PRKCH: variants seen among roughly 807,000 people sequenced by gnomAD.
PRKCH encodes the protein protein kinase C eta, also known as protein kinase C eta type.
Under a neutral mutation model 82.5 loss-of-function variants are expected in PRKCH, and 28 were observed. That is an observed-to-expected ratio of 0.34 (90% CI 0.25 to 0.47). The LOEUF is 0.47. Among genes scored for constraint, PRKCH ranks in the 20% least tolerant of loss-of-function variants. The probability of loss-of-function intolerance (pLI) is 1.00; values close to 1 mark genes in which losing one functional copy is unlikely to be tolerated. For synonymous variants in PRKCH, 322 were observed against 327.4 expected (o/e 0.98, Z 0.18); for missense variants, 705 against 881.8 (o/e 0.80, Z 2.54).
At chr14:61,446,006 A>G (rs1362588177) in intron 4 of PRKCH, among the ~76,000 whole-genome samples, 3 of 152,192 alleles carry the variant, frequency 2.0e-5, no homozygotes. Context: ...ACTAAAAGGT[A>G]ATGTGATTTT....
intron 2 of PRKCH, among the ~76,000 whole-genome samples, chr14:61,396,081 G>GAAAA (rs34478520): frequency 2.7e-4 from 33 of 120,408 alleles, no homozygotes; most frequent in Middle Eastern, 4.3e-3. Context: ...CCTTGTTTCA[G>GAAAA]AAAAAAAAAA....
chr14:61,356,159 A>G (rs1298638832), intron 1 of PRKCH, among the ~76,000 whole-genome samples: 1 of 152,194 alleles, frequency 6.6e-6, no homozygotes, highest in East Asian at 1.9e-4. Context: ...GGGGGGTGGC[A>G]GGGAACAGGA....
At chr14:61,519,238 C>T (rs1051847660) in intron 10 of PRKCH, among the ~76,000 whole-genome samples, 12 of 151,846 alleles carry the variant, frequency 7.9e-5, no homozygotes, top group Non-Finnish European at 1.3e-4. Context: ...GCTATGATCA[C>T]GCTGCTGCAC....
At chr14:61,460,449 A>C (rs770174336) in intron 9 of PRKCH, among the ~76,000 whole-genome samples, 10 of 152,186 alleles carry the variant, frequency 6.6e-5, no homozygotes, top group Non-Finnish European at 1.3e-4. Context: ...ATTTTGATTG[A>C]GTTCAATTGC....
chr14:61,463,566 T>A (rs562296708), intron 9 of PRKCH, among the ~76,000 whole-genome samples: 112 of 152,346 alleles, frequency 7.4e-4, no homozygotes, highest in Middle Eastern at 6.8e-3. Context: ...CCTAATAGTT[T>A]GTGACTAATT....
chr14:61,268,937 A>G (rs2045127875), intron 1 of PRKCH, among the ~76,000 whole-genome samples: 1 of 152,238 alleles, frequency 6.6e-6, no homozygotes, highest in South Asian at 2.1e-4. Flanking sequence ...AGTTCCTGGG[A>G]AAGGCATCTG....
At chr14:61,221,138 G>A (rs930820806) in intron 1 of PRKCH, among the ~76,000 whole-genome samples, 12 of 152,158 alleles carry the variant, frequency 7.9e-5, no homozygotes, top group African/African-American at 2.7e-4. Context: ...ATGGGACAAA[G>A]TCGTTGAGAA....
intron 9 of PRKCH, among the ~76,000 whole-genome samples, chr14:61,461,134 C>G (rs961321901): frequency 1.3e-5 from 2 of 152,196 alleles, no homozygotes; most frequent in African/African-American, 4.8e-5. Context: ...CTTGATGGCC[C>G]TGGAGCCCAT....
At position 61,280,857 on chromosome 14, in the gene PRKCH, G is replaced by A. The variant is rs571007446; in HGVS notation, c.-19+93189G>A. The A allele has an allele frequency of 6.4e-7, 1 of 1,570,124 alleles. No homozygotes were observed. The highest frequency in any genetic ancestry group is 8.6e-7 in the Non-Finnish European group (1 of 1,166,128). The stretch of plus-strand genomic sequence containing the variant: ...CCTGGAAGAGCTCGGGCAGCGAGAA[G>A]TACCAGGCGCACGAGCAGGGGGGCG... On this transcript the variant is annotated intron_variant, in intron 1 of 3. Coordinates refer to the PRKCH transcript ENST00000555185. This position sits in a 1 kb window ranked among gnomAD's most constrained non-coding sequence, Gnocchi z 5.0.
intron 2 of PRKCH, among the ~76,000 whole-genome samples, chr14:61,438,485 C>T (rs1389689563): frequency 2.0e-5 from 3 of 152,078 alleles, no homozygotes; most frequent in Non-Finnish European, 2.9e-5. Context: ...CGCTTTTGCC[C>T]CAGGTTGGAA....
intron 2 of PRKCH, among the ~76,000 whole-genome samples, chr14:61,435,144 G>A (rs552229851): frequency 6.6e-6 from 1 of 152,282 alleles, no homozygotes; most frequent in East Asian, 1.9e-4. Context: ...CAGGAATCGA[G>A]CCTCAGTTGC....
At chr14:61,524,866 TTTC>T (rs1210939383) in intron 10 of PRKCH, among the ~76,000 whole-genome samples, 1 of 152,220 alleles carries the variant, frequency 6.6e-6, no homozygotes, top group Non-Finnish European at 1.5e-5. Flanking sequence ...TGATTTCAGG[TTTC>T]TTCTTTTCCC....
intron 2 of PRKCH, among the ~76,000 whole-genome samples, chr14:61,397,090 A>G (rs945887570): frequency 1.3e-5 from 2 of 152,046 alleles, no homozygotes; most frequent in Non-Finnish European, 2.9e-5. Flanking sequence ...CATTATAGAG[A>G]CTTGGAAGGT....
chr14:61,541,640 G>T (rs1403260667), intron 12 of PRKCH, among the ~76,000 whole-genome samples: 1 of 152,152 alleles, frequency 6.6e-6, no homozygotes, highest in Admixed American at 6.5e-5. Context: ...GTGTTCTCTG[G>T]CTCCTGGAAG....
intron 11 of PRKCH, among the ~76,000 whole-genome samples, chr14:61,529,928 G>A (rs1016620516): frequency 1.1e-3 from 162 of 147,618 alleles, no homozygotes; most frequent in African/African-American, 4.0e-3. Flanking sequence ...ATATATATAT[G>A]TAAACTTTGC....
At chr14:61,331,879 G>A (rs2045793595) in intron 1 of PRKCH, among the ~76,000 whole-genome samples, 1 of 152,240 alleles carries the variant, frequency 6.6e-6, no homozygotes, top group South Asian at 2.1e-4. Flanking sequence ...ATTGCTTAGA[G>A]TTGGAGAGGA....
intron 12 of PRKCH, chr14:61,543,531 G>A (rs2043214487): frequency 6.6e-6 from 1 of 152,102 alleles, no homozygotes; most frequent in Admixed American, 6.5e-5. Context: ...GCTTTTCTTG[G>A]CCCTAGAAAA....
At chr14:61,541,363 C>T (rs1384588022) in intron 12 of PRKCH, among the ~76,000 whole-genome samples, 3 of 152,242 alleles carry the variant, frequency 2.0e-5, no homozygotes, top group South Asian at 2.1e-4. Context: ...GGCTGTGAAC[C>T]GCACTCTATT....
chr14:61,240,627 T>C (rs2044829040), intron 1 of PRKCH, among the ~76,000 whole-genome samples: 1 of 152,078 alleles, frequency 6.6e-6, no homozygotes, highest in Admixed American at 6.5e-5. Flanking sequence ...GGGTTGCTCT[T>C]TATTAAAGGA....
Sources: allele counts gnomAD v4.1 joint callset (sites outside exome capture counted in the v4.1 genomes callset), GRCh38; gene constraint gnomAD v4.1.1; non-coding constraint Gnocchi (gnomAD v3.1); transcripts MANE v1.5; gene names NCBI Gene and HGNC (gene_info 2026-07-23, HGNC 2026-07-21).